The following GPAT3 variants were observed in gnomAD, a reference collection of about 807,000 sequenced individuals.
GPAT3 encodes glycerol-3-phosphate acyltransferase 3.
Under a neutral mutation model 58.8 loss-of-function variants are expected in GPAT3, and 53 were observed. The observed-to-expected ratio is 0.90, with a 90% confidence interval of 0.72 to 1.13. GPAT3 has a LOEUF of 1.13. Ranked by LOEUF, GPAT3 falls within the 50% of genes most tolerant of loss-of-function variation. The probability of loss-of-function intolerance (pLI) is 0.00; values close to 1 mark genes in which losing one functional copy is unlikely to be tolerated. For synonymous variants in GPAT3, 197 were observed against 187.4 expected (o/e 1.05, Z -0.42); for missense variants, 511 against 527.6 (o/e 0.97, Z 0.31).
intron 2 of GPAT3, among the ~76,000 whole-genome samples, chr4:83,554,232 A>G (rs2110077936): frequency 6.6e-6 from 1 of 152,224 alleles, no homozygotes; most frequent in South Asian, 2.1e-4. Flanking sequence ...GGCTCAAGTG[A>G]TGCTCTTGCC....
At chr4:83,538,694 A>T (rs1000528605) in intron 1 of GPAT3, among the ~76,000 whole-genome samples, 5 of 152,152 alleles carry the variant, frequency 3.3e-5, no homozygotes, top group African/African-American at 1.2e-4. Context: ...ACCTGATAGG[A>T]TGATCTCCAG....
chr4:83,570,609 A>C (rs1349583405), intron 2 of GPAT3, among the ~76,000 whole-genome samples: 1 of 151,694 alleles, frequency 6.6e-6, no homozygotes, highest in East Asian at 1.9e-4. Flanking sequence ...AGTAGCCGGC[A>C]CTACAGATGT....
intron 10 of GPAT3, 200 bp downstream of exon 10, chr4:83,598,379 T>C: frequency 2.7e-6 from 2 of 746,772 alleles, no homozygotes; most frequent in Non-Finnish European, 2.1e-6. Flanking sequence ...TTATAATTGC[T>C]GTTGGTTTAT....
At position 83,594,831 on chromosome 4, in the gene GPAT3, T is replaced by C; in HGVS notation, c.739-14T>C. ...TGCCTTTTACGTTTTTTCCTTTTCT[T>C]ATGCTACTTCTAGGTTGGCCAGGTT... is the stretch of plus-strand genomic sequence containing the variant. On this transcript the variant is annotated splice_polypyrimidine_tract_variant and intron_variant, in intron 6 of 11. Transcript: ENST00000264409. 6.2e-7 allele frequency: 1 copy of C among 1,610,058 alleles called. No homozygotes were observed. Among genetic ancestry groups the C allele is most frequent in the Non-Finnish European group, 8.5e-7 (1 of 1,177,910 alleles).
chr4:83,603,821 A>G (rs1727157613), intron 11 of GPAT3, among the ~76,000 whole-genome samples: 1 of 151,610 alleles, frequency 6.6e-6, no homozygotes, highest in African/African-American at 2.4e-5. Context: ...AAGAAAATAT[A>G]ACTTGTTAAA....
chr4:83,557,273 A>C (rs1724975082), intron 2 of GPAT3, among the ~76,000 whole-genome samples: 1 of 152,244 alleles, frequency 6.6e-6, no homozygotes, highest in Admixed American at 6.5e-5. Flanking sequence ...ACCATGTAGC[A>C]ATCGGAGTAT....
chr4:83,566,443 A>C (rs1725389557), intron 2 of GPAT3, among the ~76,000 whole-genome samples: 1 of 148,134 alleles, frequency 6.8e-6, no homozygotes, highest in African/African-American at 2.5e-5. Context: ...TATTATTATT[A>C]TTATTTTTAA....
intron 2 of GPAT3, among the ~76,000 whole-genome samples, chr4:83,581,095 C>CA (rs35894737): frequency 0.3 from 21,067 of 69,808 alleles, 4,494 homozygotes; most frequent in African/African-American, 0.35. Context: ...GACTCCGTCT[C>CA]AAAAAAAAAA....
In GPAT3 at chr4:83,584,457, G is replaced by A. The variant is rs187369626; in HGVS notation, c.479+2625G>A. On this transcript the variant is annotated intron_variant, in intron 3 of 11. Transcript: ENST00000264409. ...AAACCAGATTGTATTAAGATACAAT[G>A]TGGTGATGGTTGCACAACTCTGTGA... is the stretch of plus-strand genomic sequence containing the variant. Among the ~76,000 whole-genome samples the A allele has an allele frequency of 2.5e-4, 38 of 152,318 alleles. No individual in the cohort carries two copies. The East Asian group carries it at 4.2e-3, about 17-fold the overall frequency.
At position 83,551,813 on chromosome 4, in the gene GPAT3, A is replaced by AAATCT. The variant is rs768726930; in HGVS notation, c.208+7212_208+7213insATCTA. Among the ~76,000 whole-genome samples the AAATCT allele has an allele frequency of 3.8e-3, 385 of 102,412 alleles. 6 individuals carry two copies. The highest frequency in any genetic ancestry group is 0.015 in the African/African-American group (328 of 21,506). 67.2% of individuals were successfully genotyped at this position (102,412 alleles called of 152,430 possible). On this transcript the variant is annotated intron_variant, in intron 2 of 11. Coordinates refer to ENST00000264409, the MANE Select transcript of GPAT3 (RefSeq NM_032717.5). The stretch of plus-strand genomic sequence containing the variant: ...TCTCGGAAAAAAAAAAAAAAAAAAA[A>AAATCT]ATCTATCTATCTATCTATCTATCTA...
intron 2 of GPAT3, among the ~76,000 whole-genome samples, chr4:83,579,924 AT>A (rs1726044685): frequency 6.6e-6 from 1 of 152,172 alleles, no homozygotes; most frequent in African/African-American, 2.4e-5. Context: ...TTCCTCATTG[AT>A]TTCCTAGTAA....
chr4:83,601,984 G>C (rs1727071612), intron 11 of GPAT3, among the ~76,000 whole-genome samples: 1 of 152,138 alleles, frequency 6.6e-6, no homozygotes, highest in Non-Finnish European at 1.5e-5. Flanking sequence ...CTAAGGCATA[G>C]GTTAAGACTA....
chr4:83,569,129 A>G (rs1725511182), intron 2 of GPAT3, among the ~76,000 whole-genome samples: 1 of 152,220 alleles, frequency 6.6e-6, no homozygotes, highest in Non-Finnish European at 1.5e-5. Flanking sequence ...TATCAACAAA[A>G]TGATAATGTT....
chr4:83,537,540 T>C (rs1327907225), intron 1 of GPAT3, among the ~76,000 whole-genome samples: 1 of 151,826 alleles, frequency 6.6e-6, no homozygotes, highest in East Asian at 1.9e-4. Context: ...TTGAATTAAG[T>C]GTTAGAAGCA....
chr4:83,559,190 T>C (rs1002040666), intron 2 of GPAT3, among the ~76,000 whole-genome samples: 2 of 152,236 alleles, frequency 1.3e-5, no homozygotes, highest in Non-Finnish European at 2.9e-5. Context: ...TGCCTGGTCA[T>C]CTTGATTGTA....
chr4:83,563,679 C>T (rs1335467441), intron 2 of GPAT3, among the ~76,000 whole-genome samples: 1 of 151,866 alleles, frequency 6.6e-6, no homozygotes, highest in East Asian at 1.9e-4. Context: ...ATGGGTTTTG[C>T]TATGTTGGCC....
At chr4:83,592,602 G>C (rs1047504820) in intron 6 of GPAT3, among the ~76,000 whole-genome samples, 13 of 152,142 alleles carry the variant, frequency 8.5e-5, no homozygotes, top group African/African-American at 3.1e-4. Context: ...CTCACTCAGT[G>C]ACTTTTCTAG....
chr4:83,579,063 TTTCTTTCTTTCTTTCTTCCC>T (rs1402403097), intron 2 of GPAT3, among the ~76,000 whole-genome samples: 1 of 34,032 alleles, frequency 2.9e-5, no homozygotes, highest in Non-Finnish European at 5.6e-5. Context: ...TCTTTCTTTC[TTTCTTTCTTTCTTTCTTCCC>T]TTCCTTCCTT....
Position 83,544,308 on chromosome 4 carries a change from G to A in GPAT3, c.142-228G>A, listed in dbSNP as rs571806850. Reference sequence around the variant, plus strand: ...CAATGCATGTGAGGCAGTTGAGAAAGGGTAAATATTGTCCTTTCCACATTT... The same window carrying A: ...CAATGCATGTGAGGCAGTTGAGAAAAGGTAAATATTGTCCTTTCCACATTT... On this transcript the variant is annotated intron_variant, in intron 1 of 11. Transcript: ENST00000264409. Among the ~76,000 whole-genome samples, 113 of 152,278 alleles carry A rather than the reference G, an allele frequency of 7.4e-4. 1 individual carries two copies. Among genetic ancestry groups the A allele is most frequent in the African/African-American group, 2.5e-3 (103 of 41,552 alleles).
Sources: gnomAD v4.1 joint callset for allele counts (sites outside exome capture counted in the v4.1 genomes callset) on GRCh38, gnomAD v4.1.1 for gene constraint, MANE v1.5 for transcripts, NCBI Gene and HGNC (gene_info 2026-07-23, HGNC 2026-07-21) for gene names.